Variants in SMG1 observed in about 807,000 individuals in gnomAD.
The protein encoded by SMG1 is SMG1 nonsense mediated mRNA decay associated PI3K related kinase.
Under a neutral mutation model 419.9 loss-of-function variants are expected in SMG1, and 22 were observed. That is an observed-to-expected ratio of 0.05 (90% CI 0.04 to 0.07). SMG1 has a LOEUF of 0.07. SMG1 is among the 10% of genes least tolerant of loss of function. The pLI is 1.00. For synonymous variants in SMG1, 1,538 were observed against 1,553.5 expected (o/e 0.99, Z 0.23); for missense variants, 3,185 against 4,342.0 (o/e 0.73, Z 7.49).
intron 29 of SMG1, among the ~76,000 whole-genome samples, chr16:18,856,153 C>T (rs1195442619): frequency 6.7e-6 from 1 of 149,430 alleles, no homozygotes; most frequent in Admixed American, 6.7e-5. Flanking sequence ...CAGGTGCCCT[C>T]GTTATTTGCT....
intron 1 of SMG1, among the ~76,000 whole-genome samples, chr16:18,920,510 G>A (rs1238404054): frequency 1.3e-5 from 2 of 151,666 alleles, no homozygotes; most frequent in East Asian, 3.9e-4. Flanking sequence ...GGCAACATGG[G>A]GAGGCCCCAT....
chr16:18,847,697 C>T (rs1296738371), intron 37 of SMG1, 90 bp from the exon 38 acceptor site: 4 of 1,581,268 alleles, frequency 2.5e-6, no homozygotes, highest in East Asian at 2.2e-5. Context: ...TAAGTGTGTG[C>T]AATTGGTGCT....
intron 12 of SMG1, 116 bp from the exon 13 acceptor site, chr16:18,876,509 T>A (rs2036139963): frequency 1.5e-6 from 2 of 1,312,426 alleles, no homozygotes; most frequent in Non-Finnish European, 1.0e-6. Context: ...TTAAGATCGA[T>A]CAATTCACTG....
At chr16:18,833,510 A>G (rs996795618) in intron 50 of SMG1, among the ~76,000 whole-genome samples, 4 of 152,014 alleles carry the variant, frequency 2.6e-5, no homozygotes, top group African/African-American at 9.7e-5. Context: ...TTCTGTAGTG[A>G]TATTAGCATT....
At chr16:18,883,555 C>T (rs992207104) in intron 9 of SMG1, among the ~76,000 whole-genome samples, 5 of 152,184 alleles carry the variant, frequency 3.3e-5, no homozygotes, top group Non-Finnish European at 1.5e-5. Flanking sequence ...TTGCGAAATA[C>T]GAAGCTTGCA....
intron 41 of SMG1, among the ~76,000 whole-genome samples, chr16:18,841,334 G>C (rs2033907170): frequency 6.9e-6 from 1 of 144,736 alleles, no homozygotes; most frequent in South Asian, 2.2e-4. Context: ...GGAGGCAGAA[G>C]TTGCAGTGAC....
intron 1 of SMG1, chr16:18,925,165 A>T (rs1236885864): frequency 6.6e-6 from 1 of 152,242 alleles, no homozygotes; most frequent in Non-Finnish European, 1.5e-5. Context: ...AAAGACAGGA[A>T]ACTACATTTA....
intron 4 of SMG1, among the ~76,000 whole-genome samples, chr16:18,891,857 C>T (rs1218803034): frequency 6.6e-6 from 1 of 152,216 alleles, no homozygotes; most frequent in Admixed American, 6.5e-5. Flanking sequence ...GGTTGACATG[C>T]AGAGGTGTGA....
chr16:18,815,722 A>G, intron 58 of SMG1, 71 bp from the exon 59 acceptor site: 3 of 1,268,478 alleles, frequency 2.4e-6, no homozygotes, highest in Non-Finnish European at 3.3e-6. Context: ...ACAGTCACCT[A>G]GTGATTAAGT....
intron 25 of SMG1, chr16:18,861,314 A>G (rs2035206842): frequency 1.3e-5 from 2 of 152,554 alleles, no homozygotes; most frequent in Admixed American, 6.5e-5. Flanking sequence ...TCATCTGCTT[A>G]TATGAAAAAT....
Position 18,809,317 on chromosome 16 carries a change from C to T in SMG1, c.*252G>A, listed in dbSNP as rs571671703. On this transcript the variant is annotated 3_prime_UTR_variant, in exon 63 of 63. Transcript: ENST00000446231. ...TGTTCTGTGGCAGAAAGACAATCTCCGTGTTCAGGCGGTGAGCTTGCTTTC... is the reference window on the plus strand; with the variant it reads ...TGTTCTGTGGCAGAAAGACAATCTCTGTGTTCAGGCGGTGAGCTTGCTTTC... 2.1e-5 allele frequency: 10 copies of T among 482,198 alleles called. No homozygotes were observed. Among genetic ancestry groups the T allele is most frequent in the Middle Eastern group, 6.0e-4 (1 of 1,674 alleles). The allele number at this position is 482,198 out of a possible 1,614,324, so 29.9% of individuals were successfully genotyped here.
rs1423657428 is a variant in SMG1, at chr16:18,844,462, C to G, written c.6219+967G>C. Among the ~76,000 whole-genome samples, 3 of 24,600 alleles carry G rather than the reference C, an allele frequency of 1.2e-4. 1 individual carries two copies. Among genetic ancestry groups the G allele is most frequent in the Non-Finnish European group, 2.6e-4 (3 of 11,436 alleles). The allele number at this position is 24,600 out of a possible 152,430, so 16.1% of individuals were successfully genotyped here. On this transcript the variant is annotated intron_variant, in intron 39 of 62. Coordinates refer to ENST00000446231, the MANE Select transcript of SMG1 (RefSeq NM_015092.5). The stretch of plus-strand genomic sequence containing the variant: ...CAAAACAAACAAACAACACCCCCCC[C>G]CCCCGCCCACCTACACACACACACA...
chr16:18,840,172 T>C (rs1394241059), intron 41 of SMG1, among the ~76,000 whole-genome samples: 1 of 152,186 alleles, frequency 6.6e-6, no homozygotes, highest in Non-Finnish European at 1.5e-5. Flanking sequence ...TATTGAAAAA[T>C]TGGTCTACTG....
chr16:18,862,107 A>G (rs2035249591), intron 25 of SMG1, among the ~76,000 whole-genome samples: 1 of 152,090 alleles, frequency 6.6e-6, no homozygotes, highest in Non-Finnish European at 1.5e-5. Context: ...CAAGCTTTTC[A>G]TTTTCAAATG....
chr16:18,866,039 TTGG>T (rs1386520983), intron 23 of SMG1: 1 of 154,754 alleles, frequency 6.5e-6, no homozygotes, highest in Non-Finnish European at 1.4e-5. Flanking sequence ...CGCTGCTGTT[TTGG>T]TGAAGAGTGG....
chr16:18,889,843 C>T (rs1246307707), intron 5 of SMG1, among the ~76,000 whole-genome samples: 1 of 152,114 alleles, frequency 6.6e-6, no homozygotes, highest in African/African-American at 2.4e-5. Flanking sequence ...CCCAAAAATG[C>T]TAAATTCCAT....
At chr16:18,827,591 A>ATATATATTT (rs1567325425) in intron 55 of SMG1, among the ~76,000 whole-genome samples, 26 of 140,634 alleles carry the variant, frequency 1.8e-4, no homozygotes, top group Non-Finnish European at 2.9e-4. Context: ...ATATATTTTT[A>ATATATATTT]GATATATTTG....
intron 56 of SMG1, 67 bp downstream of exon 56, chr16:18,819,435 T>A: frequency 6.5e-7 from 1 of 1,543,046 alleles, no homozygotes; most frequent in Non-Finnish European, 8.8e-7. Flanking sequence ...ACCCCACATA[T>A]AACTTCCAGC....
intron 49 of SMG1, among the ~76,000 whole-genome samples, 199 bp downstream of exon 49, chr16:18,834,693 C>A (rs369436910): frequency 3.9e-4 from 59 of 152,090 alleles, no homozygotes; most frequent in Non-Finnish European, 1.2e-4. Flanking sequence ...TTGCTGTGAG[C>A]CGAGATCGTG....
Sources: gnomAD v4.1 joint callset for allele counts (sites outside exome capture counted in the v4.1 genomes callset) on GRCh38, gnomAD v4.1.1 for gene constraint, MANE v1.5 for transcripts, NCBI Gene and HGNC (gene_info 2026-07-23, HGNC 2026-07-21) for gene names.